CCDC102B: variants seen among roughly 807,000 people sequenced by gnomAD.
CCDC102B encodes coiled-coil domain containing 102B, also known as coiled-coil domain-containing protein 102B.
In CCDC102B, 75 loss-of-function variants were observed where a neutral mutation model predicts 57.4. The ratio of observed to expected loss-of-function variants is 1.31; its 90% CI spans 1.08 to 1.58. The LOEUF is 1.58. CCDC102B is among the 40% of genes most tolerant of loss of function. CCDC102B has a pLI of 0.00. For missense variants in CCDC102B, 636 were observed against 582.6 expected (o/e 1.09, Z -0.94); for synonymous variants, 206 against 201.9 (o/e 1.02, Z -0.17).
At chr18:68,949,429 G>A (rs907303370) in intron 6 of CCDC102B, among the ~76,000 whole-genome samples, 2 of 152,104 alleles carry the variant, frequency 1.3e-5, no homozygotes, top group African/African-American at 4.8e-5. Flanking sequence ...CCCGACAAGG[G>A]CAGTTTCCTG....
intron 2 of CCDC102B, among the ~76,000 whole-genome samples, chr18:68,750,339 TTGG>T (rs1476559406): frequency 1.3e-5 from 2 of 152,210 alleles, no homozygotes; most frequent in African/African-American, 2.4e-5. Context: ...TTTTACACTG[TTGG>T]TGGGACTGTA....
intron 6 of CCDC102B, among the ~76,000 whole-genome samples, chr18:68,936,999 G>A (rs2049259992): frequency 6.6e-6 from 1 of 151,868 alleles, no homozygotes; most frequent in South Asian, 2.1e-4. Flanking sequence ...ACAGGTTTAG[G>A]CTTTTGCAAG....
At chr18:68,852,777 A>G (rs1256705806) in intron 4 of CCDC102B, among the ~76,000 whole-genome samples, 2 of 152,144 alleles carry the variant, frequency 1.3e-5, no homozygotes, top group Non-Finnish European at 2.9e-5. Flanking sequence ...ACAATACTTG[A>G]TATTTGGTTG....
At chr18:69,047,523 A>T (rs931309257) in intron 7 of CCDC102B, among the ~76,000 whole-genome samples, 2 of 152,208 alleles carry the variant, frequency 1.3e-5, no homozygotes, top group African/African-American at 2.4e-5. Context: ...TCAACATAGT[A>T]TGAGAAGCCC....
chr18:68,974,832 T>C (rs183667046), intron 6 of CCDC102B, among the ~76,000 whole-genome samples: 101 of 152,100 alleles, frequency 6.6e-4, no homozygotes, highest in Middle Eastern at 3.4e-3. Flanking sequence ...GATTTTATGA[T>C]CTACAGGAGC....
chr18:68,740,019 T>C (rs1019918672), intron 2 of CCDC102B, among the ~76,000 whole-genome samples: 2 of 152,208 alleles, frequency 1.3e-5, no homozygotes, highest in African/African-American at 4.8e-5. Flanking sequence ...TGAAACACAG[T>C]CCTGTGTTAT....
At chr18:69,019,559 T>C (rs562958663) in intron 7 of CCDC102B, among the ~76,000 whole-genome samples, 38 of 152,212 alleles carry the variant, frequency 2.5e-4, no homozygotes, top group Non-Finnish European at 4.4e-4. Flanking sequence ...CACAACTGGA[T>C]TTTGCAGGTT....
At chr18:68,780,147 A>G (rs1337954999) in intron 2 of CCDC102B, among the ~76,000 whole-genome samples, 1 of 152,102 alleles carries the variant, frequency 6.6e-6, no homozygotes, top group African/African-American at 2.4e-5. Context: ...TCTTTTACTT[A>G]TCATAATGTC....
chr18:68,877,881 T>C (rs577740835), intron 5 of CCDC102B, among the ~76,000 whole-genome samples: 4 of 152,326 alleles, frequency 2.6e-5, no homozygotes, highest in African/African-American at 9.6e-5. Context: ...GGTGGAGTTC[T>C]TAACTTCATT....
At chr18:68,987,932 A>T (rs758576429) in intron 6 of CCDC102B, among the ~76,000 whole-genome samples, 17 of 152,224 alleles carry the variant, frequency 1.1e-4, no homozygotes, top group Non-Finnish European at 2.5e-4. Flanking sequence ...GGGAATGCTC[A>T]TACACTGTTG....
At chr18:68,914,394 G>A (rs534178388) in intron 6 of CCDC102B, among the ~76,000 whole-genome samples, 3 of 152,290 alleles carry the variant, frequency 2.0e-5, no homozygotes, top group South Asian at 4.1e-4. Context: ...GGTACCCTGA[G>A]CTGCTGGGAT....
intron 6 of CCDC102B, among the ~76,000 whole-genome samples, chr18:68,925,556 G>A (rs1291745133): frequency 6.6e-6 from 1 of 151,908 alleles, no homozygotes; most frequent in African/African-American, 2.4e-5. Context: ...TGACATTTTG[G>A]CCACAAAGCC....
At chr18:68,941,642 C>T (rs542557716) in intron 6 of CCDC102B, among the ~76,000 whole-genome samples, 1 of 152,128 alleles carries the variant, frequency 6.6e-6, no homozygotes, top group African/African-American at 2.4e-5. Context: ...CAAATAAATG[C>T]CCAGCATTGA....
In CCDC102B at chr18:68,994,748, G is replaced by T. The variant is rs1385933748; in HGVS notation, c.1264-16186G>T. On this transcript the variant is annotated intron_variant, in intron 6 of 7. Transcript: ENST00000360242. ...GAGGCCTCCCCAGCCATGCCGAACT[G>T]TGAGCCAATTAAAACTCTTTCCTTT... Among the ~76,000 whole-genome samples, 7 of 152,174 alleles carry T rather than the reference G, an allele frequency of 4.6e-5. No homozygotes were observed. The East Asian group carries it at 1.3e-3, about 29-fold the overall frequency.
At chr18:68,763,355 T>A (rs2034316340) in intron 2 of CCDC102B, among the ~76,000 whole-genome samples, 1 of 152,136 alleles carries the variant, frequency 6.6e-6, no homozygotes, top group Non-Finnish European at 1.5e-5. Context: ...AGTTACCATA[T>A]GCATGCATGG....
chr18:69,041,609 C>T (rs2052436546), intron 7 of CCDC102B, among the ~76,000 whole-genome samples: 1 of 152,086 alleles, frequency 6.6e-6, no homozygotes, highest in Non-Finnish European at 1.5e-5. Flanking sequence ...CAGGTTGTTA[C>T]ATGCCTGGAG....
chr18:68,903,672 G>A (rs1350977607), intron 6 of CCDC102B, among the ~76,000 whole-genome samples: 2 of 152,158 alleles, frequency 1.3e-5, no homozygotes, highest in African/African-American at 4.8e-5. Flanking sequence ...AAAATGAAAA[G>A]TTATGGGAAA....
At chr18:68,869,756 TTG>T (rs2039157538) in intron 4 of CCDC102B, among the ~76,000 whole-genome samples, 1 of 152,116 alleles carries the variant, frequency 6.6e-6, no homozygotes, top group South Asian at 2.1e-4. Context: ...TTGGTTTTCA[TTG>T]CAATTGCTTT....
In CCDC102B at chr18:68,958,543, T is replaced by C. The variant is rs370829291; in HGVS notation, c.1264-52391T>C. 5.3e-5 allele frequency among the ~76,000 whole-genome samples: 8 copies of C among 152,308 alleles called. No homozygotes were observed. In the East Asian group the frequency reaches 1.5e-3, roughly 29 times the overall value. ...TTTGCATCAATCATCATCAGAGATA[T>C]TGATATTGACCTATAGTTTTCTTTT... On this transcript the variant is annotated intron_variant, in intron 6 of 7. Transcript: ENST00000360242.
Sources: allele counts gnomAD v4.1 joint callset (sites outside exome capture counted in the v4.1 genomes callset), GRCh38; gene constraint gnomAD v4.1.1; transcripts MANE v1.5; gene names NCBI Gene and HGNC (gene_info 2026-07-23, HGNC 2026-07-21).